SEC23A: variants seen among roughly 807,000 people sequenced by gnomAD.
The protein encoded by SEC23A is SEC23 homolog A, COPII component.
SEC23A carries 56 observed loss-of-function variants against 103.7 expected under a neutral mutation model. The observed-to-expected ratio is 0.54, with a 90% CI of 0.44 to 0.67. SEC23A has a LOEUF of 0.67. SEC23A is among the 30% of genes least tolerant of loss of function. The pLI is 0.00. For missense variants in SEC23A, 784 were observed against 936.4 expected, an observed-to-expected ratio of 0.84 and a Z score of 2.12; for synonymous variants, 281 against 293.0, an observed-to-expected ratio of 0.96 and a Z score of 0.42.
intron 2 of SEC23A, among the ~76,000 whole-genome samples, chr14:39,094,393 CACACATATATATAT>C (rs1456667662): frequency 0.037 from 889 of 23,918 alleles, 180 homozygotes; most frequent in East Asian, 0.15. Flanking sequence ...CACACACACA[CACACATATATATAT>C]ATATATATAT....
chr14:39,063,317 G>C lies in SEC23A; in HGVS notation c.1398+7C>G. 1 of 1,548,066 alleles carries C rather than the reference G, an allele frequency of 6.5e-7. No individual in the cohort carries two copies. The highest frequency in any genetic ancestry group is 1.1e-5 in the South Asian group (1 of 89,692). ...ACGTTTTGATATTCAGATGTAGAAA[G>C]TCATACCTGATTGACAACCTCAAAA... is the stretch of plus-strand genomic sequence containing the variant. On this transcript the variant is annotated splice_region_variant and intron_variant, in intron 12 of 19. Transcript: ENST00000307712.
intron 14 of SEC23A, among the ~76,000 whole-genome samples, chr14:39,052,072 C>CTATTT (rs1886082429): frequency 6.6e-6 from 1 of 151,930 alleles, no homozygotes; most frequent in South Asian, 2.1e-4. Flanking sequence ...AAGCAAACAC[C>CTATTT]ACATGCTCTC....
At chr14:39,064,085 A>G (rs1886573725) in intron 11 of SEC23A, among the ~76,000 whole-genome samples, 1 of 132,604 alleles carries the variant, frequency 7.5e-6, no homozygotes, top group South Asian at 2.4e-4. Context: ...CTTGATCTGT[A>G]TAAAGAGAAA....
At chr14:39,065,358 C>T (rs903725308) in intron 10 of SEC23A, among the ~76,000 whole-genome samples, 2 of 152,088 alleles carry the variant, frequency 1.3e-5, no homozygotes, top group African/African-American at 4.8e-5. Context: ...TGGTCTCCCC[C>T]CAGTCTCTCC....
intron 18 of SEC23A, chr14:39,040,114 T>C (rs1361283748): frequency 1.3e-5 from 2 of 152,258 alleles, no homozygotes; most frequent in African/African-American, 4.8e-5. Flanking sequence ...TTATAACTCT[T>C]ATAAGAATTA....
At chr14:39,064,827 G>T in intron 11 of SEC23A, 86 bp downstream of exon 11, 1 of 955,676 alleles carries the variant, frequency 1.0e-6, no homozygotes, top group Non-Finnish European at 1.7e-6. Context: ...CAATCCTCCT[G>T]CCTCAGCTTC....
chr14:39,086,138 T>C (rs1887436938), intron 6 of SEC23A, among the ~76,000 whole-genome samples: 1 of 152,140 alleles, frequency 6.6e-6, no homozygotes, highest in Non-Finnish European at 1.5e-5. Flanking sequence ...CCGAAGAATT[T>C]GCATTTCAAA....
At chr14:39,100,555 G>C (rs1888050623) in intron 1 of SEC23A, among the ~76,000 whole-genome samples, 1 of 151,830 alleles carries the variant, frequency 6.6e-6, no homozygotes, top group South Asian at 2.1e-4. Context: ...TGGGATTACG[G>C]GCATAAGCCA....
At chr14:39,051,688 G>T (rs1329977115) in intron 14 of SEC23A, among the ~76,000 whole-genome samples, 3 of 152,136 alleles carry the variant, frequency 2.0e-5, no homozygotes, top group African/African-American at 7.2e-5. Flanking sequence ...GACTAGCCGG[G>T]CGTGGTGGTT....
chr14:39,039,437 T>A (rs951636535), intron 18 of SEC23A: 1 of 244,986 alleles, frequency 4.1e-6, no homozygotes, highest in Non-Finnish European at 7.7e-6. Flanking sequence ...CAAATAATGA[T>A]AAAAACAAAA....
chr14:39,071,210 T>C (rs1886829774), intron 9 of SEC23A, among the ~76,000 whole-genome samples: 1 of 152,184 alleles, frequency 6.6e-6, no homozygotes. Context: ...GATGGCATGA[T>C]GTTATATAGG....
chr14:39,093,159 G>C lies in SEC23A; in HGVS notation c.279+28C>G, dbSNP rs149553223. The C allele has an allele frequency of 1.9e-6, 3 of 1,603,542 alleles. No homozygotes were observed. The South Asian group carries it at 3.3e-5, about 18-fold the overall frequency. ...TGGGATTACAGGCATGAGCCACTGCGCCCGGCATGCAATGGATGTTTTCTT... is the reference window on the plus strand; with the variant it reads ...TGGGATTACAGGCATGAGCCACTGCCCCCGGCATGCAATGGATGTTTTCTT... On this transcript the variant is annotated intron_variant, in intron 3 of 19. Transcript: ENST00000307712.
At chr14:39,079,013 G>A (rs1887130328) in intron 7 of SEC23A, among the ~76,000 whole-genome samples, 1 of 152,136 alleles carries the variant, frequency 6.6e-6, no homozygotes, top group East Asian at 1.9e-4. Context: ...CAAAATTAAA[G>A]AGAATATTCT....
intron 2 of SEC23A, 95 bp from the exon 3 acceptor site, chr14:39,093,339 A>G: frequency 3.0e-6 from 3 of 1,005,148 alleles, no homozygotes; most frequent in Non-Finnish European, 4.5e-6. Context: ...TTCCTAAAAC[A>G]TGAACATATT....
chr14:39,038,321 A>G (rs1245595558), intron 19 of SEC23A, among the ~76,000 whole-genome samples: 1 of 152,134 alleles, frequency 6.6e-6, no homozygotes, highest in Non-Finnish European at 1.5e-5. Context: ...TAACCTTTGT[A>G]ATACTTCATA....
At chr14:39,061,213 T>A (rs1886462720) in intron 13 of SEC23A, among the ~76,000 whole-genome samples, 1 of 152,140 alleles carries the variant, frequency 6.6e-6, no homozygotes, top group Admixed American at 6.6e-5. Flanking sequence ...ACTGGCCCTT[T>A]ACCACAGACA....
At chr14:39,053,527 TA>T (rs1183048747) in intron 14 of SEC23A, among the ~76,000 whole-genome samples, 175 of 149,594 alleles carry the variant, frequency 1.2e-3, no homozygotes, top group Middle Eastern at 0.01. Context: ...TTTTTTTTTT[TA>T]AAAAAAAGGT....
intron 13 of SEC23A, among the ~76,000 whole-genome samples, chr14:39,056,983 A>C (rs1886272236): frequency 6.6e-6 from 1 of 152,146 alleles, no homozygotes; most frequent in Non-Finnish European, 1.5e-5. Context: ...GAATCACTTA[A>C]GCCCAGAAGT....
chr14:39,054,305 A>G (rs1886169398), intron 14 of SEC23A, among the ~76,000 whole-genome samples: 2 of 152,062 alleles, frequency 1.3e-5, no homozygotes, highest in Non-Finnish European at 2.9e-5. Context: ...AGCTTAATCA[A>G]GTGCTCTGTG....
Sources: allele counts gnomAD v4.1 joint callset (sites outside exome capture counted in the v4.1 genomes callset), GRCh38; gene constraint gnomAD v4.1.1; transcripts MANE v1.5; gene names NCBI Gene and HGNC (gene_info 2026-07-23, HGNC 2026-07-21).